The following HERC4 variants were observed in gnomAD, a reference collection of about 807,000 sequenced individuals.
HERC4 encodes HECT and RLD domain containing E3 ubiquitin protein ligase 4, also known as probable E3 ubiquitin-protein ligase HERC4.
A neutral mutation model predicts 124.3 loss-of-function variants in HERC4; 28 were observed. That is an observed-to-expected ratio of 0.23 (90% CI 0.17 to 0.31). HERC4 has a LOEUF of 0.31. Among genes scored for constraint, HERC4 ranks in the 10% least tolerant of loss-of-function variants. The pLI is 1.00. For synonymous variants in HERC4, 407 were observed against 421.5 expected (o/e 0.97, Z 0.42); for missense variants, 713 against 1,229.3 (o/e 0.58, Z 6.28).
At chr10:67,953,570 A>G (rs535978489) in intron 19 of HERC4, among the ~76,000 whole-genome samples, 62 of 152,330 alleles carry the variant, frequency 4.1e-4, no homozygotes, top group African/African-American at 1.4e-3. Flanking sequence ...CAAAGATGGG[A>G]CAATATGAGC....
At chr10:68,065,853 AAAAAC>A (rs1356481700) in intron 3 of HERC4, among the ~76,000 whole-genome samples, 7 of 152,300 alleles carry the variant, frequency 4.6e-5, no homozygotes, top group South Asian at 2.1e-4. Flanking sequence ...TCCTGTCTAA[AAAAAC>A]AAAACAAAAC....
chr10:67,936,100 A>G, intron 22 of HERC4, 53 bp downstream of exon 22: 1 of 1,203,668 alleles, frequency 8.3e-7, no homozygotes, highest in Non-Finnish European at 1.2e-6. Flanking sequence ...CGTACAGAAG[A>G]AAATGTCTAC....
At chr10:68,033,889 C>CT in intron 6 of HERC4, 76 bp downstream of exon 6, 2 of 1,213,098 alleles carry the variant, frequency 1.6e-6, no homozygotes, top group Middle Eastern at 1.9e-4. Flanking sequence ...CTCTCTTACA[C>CT]TAAGAATCAC....
intron 9 of HERC4, among the ~76,000 whole-genome samples, chr10:67,997,569 C>T (rs1239771719): frequency 6.6e-6 from 1 of 152,070 alleles, no homozygotes; most frequent in Non-Finnish European, 1.5e-5. Context: ...AACTGTATCC[C>T]CCACCCAAAT....
In HERC4 at chr10:68,038,086, T is replaced by C. The variant is rs188761546; in HGVS notation, c.463+7A>G. Reference sequence around the variant, plus strand: ...TGAAGAGAAATAAAATAAAAACTAATGCTTACCTTTAGAAAGTGCAAGTGA... The same window carrying C: ...TGAAGAGAAATAAAATAAAAACTAACGCTTACCTTTAGAAAGTGCAAGTGA... On this transcript the variant is annotated splice_region_variant and intron_variant, in intron 5 of 24. Coordinates refer to ENST00000373700, the MANE Select transcript of HERC4 (RefSeq NM_015601.4). 8 of 1,430,772 alleles carry C rather than the reference T, an allele frequency of 5.6e-6. No individual in the cohort carries two copies. The African/African-American group carries it at 7.4e-5, about 13-fold the overall frequency. The allele number at this position is 1,430,772 out of a possible 1,614,324, so 88.6% of individuals were successfully genotyped here. A position where few individuals can be genotyped will look rare whatever the true frequency, so the allele number is the denominator to read the frequency against.
At chr10:67,984,822 G>T (rs576284511) in intron 15 of HERC4, among the ~76,000 whole-genome samples, 1 of 152,252 alleles carries the variant, frequency 6.6e-6, no homozygotes, top group African/African-American at 2.4e-5. Context: ...GACCTCAAGT[G>T]ATCCACCGGC....
chr10:67,926,381 G>C (rs2030946403), intron 23 of HERC4, among the ~76,000 whole-genome samples: 1 of 147,386 alleles, frequency 6.8e-6, no homozygotes, highest in Non-Finnish European at 1.5e-5. Context: ...TGGTCAACAA[G>C]AGCGAAACTC....
intron 9 of HERC4, chr10:67,996,052 T>C (rs1257049708): frequency 2.4e-6 from 1 of 408,978 alleles, no homozygotes; most frequent in Non-Finnish European, 4.8e-6. Flanking sequence ...ATACCTGTAA[T>C]CCCAGCACTT....
intron 19 of HERC4, among the ~76,000 whole-genome samples, chr10:67,946,696 C>T (rs573643003): frequency 1.3e-5 from 2 of 152,182 alleles, no homozygotes; most frequent in Admixed American, 1.3e-4. Flanking sequence ...ATCATGAGGT[C>T]AAGAGATCGA....
intron 16 of HERC4, among the ~76,000 whole-genome samples, chr10:67,963,936 G>A (rs1297657717): frequency 6.6e-6 from 1 of 152,084 alleles, no homozygotes; most frequent in Non-Finnish European, 1.5e-5. Context: ...TAAGAAATAT[G>A]TTATTTCTCC....
In HERC4 at chr10:68,014,211, C is replaced by T. The variant is rs372353008; in HGVS notation, c.909-25G>A. On this transcript the variant is annotated intron_variant, in intron 8 of 24. Coordinates refer to ENST00000373700, the MANE Select transcript of HERC4 (RefSeq NM_015601.4). ...CCTAGAGTAAAATGATAGAAAACTT[C>T]AGACTTAATGTTACCTTCCAACAAT... The T allele has an allele frequency of 3.9e-5, 60 of 1,532,600 alleles. No individual in the cohort carries two copies. In the African/African-American group the frequency reaches 8.0e-4, roughly 20 times the overall value. The allele number at this position is 1,532,600 out of a possible 1,614,324, so 94.9% of individuals were successfully genotyped here. A position where few individuals can be genotyped will look rare whatever the true frequency, so the allele number is the denominator to read the frequency against.
intron 9 of HERC4, among the ~76,000 whole-genome samples, chr10:68,009,397 G>T (rs371581986): frequency 4.6e-5 from 7 of 152,098 alleles, no homozygotes; most frequent in African/African-American, 1.7e-4. Context: ...TTACAGGCAT[G>T]AGCCACTGTG....
At chr10:67,978,681 G>C (rs1490736546) in intron 15 of HERC4, among the ~76,000 whole-genome samples, 1 of 152,208 alleles carries the variant, frequency 6.6e-6, no homozygotes, top group Non-Finnish European at 1.5e-5. Context: ...GTGCTGTGCT[G>C]GCTTCAGGTC....
chr10:68,012,526 C>CT (rs1186032995), intron 9 of HERC4, among the ~76,000 whole-genome samples: 1 of 152,194 alleles, frequency 6.6e-6, no homozygotes, highest in East Asian at 1.9e-4. Flanking sequence ...AGAGATAGGA[C>CT]TGGCCAGCTG....
chr10:67,997,951 G>T (rs1434239507), intron 9 of HERC4, among the ~76,000 whole-genome samples: 1 of 152,068 alleles, frequency 6.6e-6, no homozygotes, highest in Non-Finnish European at 1.5e-5. Context: ...CGCCAGGCTG[G>T]AGTGCAGTGG....
chr10:67,941,640 A>G (rs1407386267), intron 19 of HERC4, among the ~76,000 whole-genome samples: 1 of 131,834 alleles, frequency 7.6e-6, no homozygotes, highest in African/African-American at 2.8e-5. Flanking sequence ...CATGAGTATT[A>G]TGTCACTAAA....
intron 8 of HERC4, among the ~76,000 whole-genome samples, chr10:68,023,483 T>C (rs2038747218): frequency 6.6e-6 from 1 of 152,158 alleles, no homozygotes; most frequent in Non-Finnish European, 1.5e-5. Context: ...AGTCTACCTA[T>C]ATGAGATACC....
intron 15 of HERC4, among the ~76,000 whole-genome samples, chr10:67,970,588 T>C (rs2035173207): frequency 7.4e-6 from 1 of 135,476 alleles, no homozygotes; most frequent in South Asian, 2.5e-4. Flanking sequence ...CGAGACTCTG[T>C]CTCAAAAAAA....
chr10:67,929,538 T>G (rs1348474029), intron 23 of HERC4, among the ~76,000 whole-genome samples: 3 of 152,192 alleles, frequency 2.0e-5, no homozygotes, highest in Non-Finnish European at 4.4e-5. Flanking sequence ...TTTTTTCTTT[T>G]TTGAGACAGG....
Sources: gnomAD v4.1 joint callset for allele counts (sites outside exome capture counted in the v4.1 genomes callset) on GRCh38, gnomAD v4.1.1 for gene constraint, MANE v1.5 for transcripts, NCBI Gene and HGNC (gene_info 2026-07-23, HGNC 2026-07-21) for gene names.